Variants in SPMIP11 observed in about 807,000 individuals in gnomAD.
SPMIP11 encodes sperm microtubule inner protein 11, also known as long intergenic non-protein coding RNA 935.
At chr12:48,771,036 C>A in the SPMIP11 span, 1 of 1,514,218 alleles carries the variant, frequency 6.6e-7, no homozygotes. This position sits in a 1 kb window ranked among gnomAD's most constrained non-coding sequence, Gnocchi z 4.3. Flanking sequence ...CCCCAACACT[C>A]ATTTCTTGCC....
At chr12:48,764,836 C>G in the SPMIP11 span, 3 of 702,310 alleles carry the variant, frequency 4.3e-6, no homozygotes, top group South Asian at 4.4e-5. Context: ...CCTGCCCTTC[C>G]CCCCACCCAT....
the SPMIP11 span, among the ~76,000 whole-genome samples, chr12:48,764,139 C>T: frequency 2.8e-4 from 42 of 151,820 alleles, no homozygotes; most frequent in African/African-American, 7.2e-4. Flanking sequence ...TGCACCACCA[C>T]GCCCGGCTAA....
At chr12:48,754,704 C>T in the SPMIP11 span, among the ~76,000 whole-genome samples, 18 of 152,112 alleles carry the variant, frequency 1.2e-4, 1 homozygote, top group African/African-American at 3.9e-4. Context: ...CCCGACTAGG[C>T]CTCCCAAAGT....
the SPMIP11 span, among the ~76,000 whole-genome samples, chr12:48,760,437 C>T: frequency 2.6e-5 from 4 of 152,208 alleles, no homozygotes; most frequent in African/African-American, 4.8e-5. Flanking sequence ...CTCGGCCTCC[C>T]ACAGTGCTGG....
chr12:48,749,123 G>A, the SPMIP11 span, among the ~76,000 whole-genome samples: 2 of 151,936 alleles, frequency 1.3e-5, no homozygotes, highest in Non-Finnish European at 2.9e-5. Context: ...TTAGCTGGGC[G>A]TGGTGGTGCA....
chr12:48,731,179 T>C, the SPMIP11 span, among the ~76,000 whole-genome samples: 7 of 152,058 alleles, frequency 4.6e-5, no homozygotes. Flanking sequence ...TGAATTCAAA[T>C]GTCAGTTGGG....
At chr12:48,771,341 C>A in the SPMIP11 span, 1 of 483,908 alleles carries the variant, frequency 2.1e-6, no homozygotes, top group Non-Finnish European at 3.8e-6. This position sits in a 1 kb window ranked among gnomAD's most constrained non-coding sequence, Gnocchi z 4.3. Context: ...CAGGACACTA[C>A]CTCACATTTT....
At chr12:48,765,625 T>C in the SPMIP11 span, 6 of 702,880 alleles carry the variant, frequency 8.5e-6, no homozygotes, top group African/African-American at 1.0e-4. Context: ...ATCACTCTAT[T>C]CTCAATGACA....
At chr12:48,770,986 A>G in the SPMIP11 span, 1 of 1,609,626 alleles carries the variant, frequency 6.2e-7, no homozygotes, top group Non-Finnish European at 8.5e-7. Context: ...CAACACAAGG[A>G]GACCTGGCTG....
chr12:48,767,357 A>G, the SPMIP11 span: 1 of 152,548 alleles, frequency 6.6e-6, no homozygotes. Flanking sequence ...TTTTGCTACC[A>G]CACCCCATCC....
chr12:48,769,759 GTTTTT>G, the SPMIP11 span, among the ~76,000 whole-genome samples: 1 of 103,794 alleles, frequency 9.6e-6, no homozygotes, highest in South Asian at 3.2e-4. Context: ...ACTAATTTTT[GTTTTT>G]TTTTTTTTTT....
the SPMIP11 span, among the ~76,000 whole-genome samples, chr12:48,737,760 T>C: frequency 6.6e-6 from 1 of 151,906 alleles, no homozygotes; most frequent in South Asian, 2.1e-4. Flanking sequence ...CAAACTACCA[T>C]TTGTCAGCTA....
the SPMIP11 span, chr12:48,768,186 A>T: frequency 7.3e-6 from 2 of 275,010 alleles, no homozygotes; most frequent in Non-Finnish European, 1.4e-5. Flanking sequence ...AAATATTCCC[A>T]GGAAAAAAGA....
the SPMIP11 span, among the ~76,000 whole-genome samples, chr12:48,742,372 C>G: frequency 6.6e-6 from 1 of 150,892 alleles, no homozygotes; most frequent in South Asian, 2.1e-4. Flanking sequence ...ACCTCCACCT[C>G]CCAGGTTCAA....
the SPMIP11 span, chr12:48,765,857 T>G: frequency 5.3e-6 from 3 of 561,154 alleles, no homozygotes; most frequent in South Asian, 6.3e-5. Flanking sequence ...CAGATTGTTG[T>G]GAGAGCTGCT....
chr12:48,746,592 C>T, the SPMIP11 span, among the ~76,000 whole-genome samples: 2 of 151,886 alleles, frequency 1.3e-5, no homozygotes, highest in Non-Finnish European at 1.5e-5. Flanking sequence ...ATCTCGAACC[C>T]CTGACCCCGT....
the SPMIP11 span, chr12:48,769,038 C>T: frequency 1.9e-6 from 3 of 1,612,946 alleles, no homozygotes; most frequent in Non-Finnish European, 2.5e-6. Flanking sequence ...ATGACACCTG[C>T]CACGACTGGG....
the SPMIP11 span, among the ~76,000 whole-genome samples, chr12:48,734,066 G>A: frequency 5.3e-5 from 8 of 150,688 alleles, no homozygotes; most frequent in East Asian, 3.9e-4. Flanking sequence ...GCCATCCCCC[G>A]CCCAGCCTAT....
the SPMIP11 span, among the ~76,000 whole-genome samples, chr12:48,762,498 G>C: frequency 6.7e-6 from 1 of 148,988 alleles, no homozygotes; most frequent in Non-Finnish European, 1.5e-5. Flanking sequence ...CTCCTAAGTA[G>C]CTGGGATTAC....
Sources: gnomAD v4.1 joint callset for allele counts (sites outside exome capture counted in the v4.1 genomes callset) on GRCh38, gnomAD v4.1.1 for gene constraint, Gnocchi (gnomAD v3.1) non-coding constraint, MANE v1.5 for transcripts, NCBI Gene and HGNC (gene_info 2026-07-23, HGNC 2026-07-21) for gene names.